COPS4: variants seen among roughly 807,000 people sequenced by gnomAD.
The protein encoded by COPS4 is COP9 signalosome complex subunit 4.
In COPS4, 8 loss-of-function variants were observed where a neutral mutation model predicts 55.1. The observed-to-expected ratio is 0.15, with a 90% confidence interval of 0.09 to 0.26. The LOEUF is 0.26. Among genes scored for constraint, COPS4 ranks in the 10% least tolerant of loss-of-function variants. COPS4 has a pLI of 1.00. For missense variants in COPS4, 248 were observed against 484.0 expected (o/e 0.51, Z 4.58); for synonymous variants, 185 against 165.7 (o/e 1.12, Z -0.90).
chr4:83,066,165 A>G (rs1411514309), intron 7 of COPS4, among the ~76,000 whole-genome samples: 2 of 152,122 alleles, frequency 1.3e-5, no homozygotes, highest in Non-Finnish European at 2.9e-5. Flanking sequence ...AAAAAAAGTT[A>G]ATTTGATAGC....
intron 4 of COPS4, among the ~76,000 whole-genome samples, chr4:83,053,964 A>G (rs1730953875): frequency 6.6e-6 from 1 of 152,150 alleles, no homozygotes; most frequent in South Asian, 2.1e-4. Context: ...AGAAGGATGA[A>G]AGGTATGAGA....
At chr4:83,045,419 A>AGT (rs1730681850) in intron 1 of COPS4, among the ~76,000 whole-genome samples, 1 of 152,196 alleles carries the variant, frequency 6.6e-6, no homozygotes, top group African/African-American at 2.4e-5. Flanking sequence ...AACTAGATGA[A>AGT]GTGGTACCTT....
chr4:83,066,055 G>C (rs1234338282), intron 7 of COPS4, among the ~76,000 whole-genome samples: 1 of 152,134 alleles, frequency 6.6e-6, no homozygotes, highest in African/African-American at 2.4e-5. Context: ...AGGATACTTA[G>C]GCATGAGAAT....
chr4:83,062,432 G>A (rs2126133054), intron 6 of COPS4, among the ~76,000 whole-genome samples: 1 of 152,294 alleles, frequency 6.6e-6, no homozygotes, highest in South Asian at 2.1e-4. Flanking sequence ...AATACTTGCA[G>A]CACTTCCACT....
In COPS4 at chr4:83,049,194, C is replaced by T. The variant is rs767220114; in HGVS notation, c.183C>T (p.Ile61=). Residue 61 remains isoleucine, a synonymous_variant, in exon 3 of 10, where the codon ATC becomes ATT. Transcript: ENST00000264389. Reference sequence around the variant, plus strand: ...TAAATGAGAATGTCAGTCTCGTGATCTCGCGGCAGTTGCTGACTGATTTTT... The same window carrying T: ...TAAATGAGAATGTCAGTCTCGTGATTTCGCGGCAGTTGCTGACTGATTTTT... ...AMVNENVSLV[I]SRQLLTDFCT... 1.2e-6 allele frequency: 2 copies of T among 1,602,862 alleles called. No homozygotes were observed.
chr4:83,058,563 TG>T (rs1731072983), intron 6 of COPS4, among the ~76,000 whole-genome samples: 1 of 152,230 alleles, frequency 6.6e-6, no homozygotes, highest in Non-Finnish European at 1.5e-5. Context: ...TTTTATTTTT[TG>T]TTACTGAAAA....
rs1165343653 is a variant in COPS4 at position 83,074,579 on chromosome 4, C to T, written c.1088-718C>T. On this transcript the variant is annotated intron_variant, in intron 9 of 9. Coordinates refer to ENST00000264389, the MANE Select transcript of COPS4 (RefSeq NM_016129.3). ...CTGGGTTCAAGTGATTCTCCTGTCT[C>T]AGCCTCCCGAGTAGCTGGTATTACA... Among the ~76,000 whole-genome samples, 6 of 150,566 alleles carry T rather than the reference C, an allele frequency of 4.0e-5. No individual in the cohort carries two copies. The East Asian group carries it at 7.8e-4, about 20-fold the overall frequency.
intron 2 of COPS4, among the ~76,000 whole-genome samples, chr4:83,047,511 A>G (rs1730749325): frequency 6.6e-6 from 1 of 152,124 alleles, no homozygotes; most frequent in Non-Finnish European, 1.5e-5. Context: ...CTGAGGTTGC[A>G]TCACTGCGCT....
chr4:83,044,410 A>G (rs1452719401), intron 1 of COPS4, among the ~76,000 whole-genome samples: 2 of 141,412 alleles, frequency 1.4e-5, no homozygotes, highest in Non-Finnish European at 3.0e-5. Flanking sequence ...GCGCCAGTGC[A>G]CTCCAGCCTG....
intron 9 of COPS4, among the ~76,000 whole-genome samples, chr4:83,070,011 C>G (rs1731380136): frequency 6.6e-6 from 1 of 152,146 alleles, no homozygotes; most frequent in Non-Finnish European, 1.5e-5. Context: ...TAATGAAAAT[C>G]CTTTTATCTT....
At chr4:83,060,762 C>G (rs971824641) in intron 6 of COPS4, among the ~76,000 whole-genome samples, 3 of 150,614 alleles carry the variant, frequency 2.0e-5, no homozygotes, top group African/African-American at 7.3e-5. Flanking sequence ...AGGCCAGGCA[C>G]GGTGGCTCAC....
At chr4:83,072,157 T>C (rs974835988) in intron 9 of COPS4, among the ~76,000 whole-genome samples, 2 of 152,070 alleles carry the variant, frequency 1.3e-5, no homozygotes, top group Admixed American at 1.3e-4. Context: ...CAATCTCGGT[T>C]GACCACAACC....
At chr4:83,049,577 A>T in intron 3 of COPS4, 1 of 473,292 alleles carries the variant, frequency 2.1e-6, no homozygotes, top group South Asian at 3.2e-5. Flanking sequence ...TAAAATTGGT[A>T]TTTCAGCTGA....
At chr4:83,037,565 G>A (rs1278774352) in intron 1 of COPS4, among the ~76,000 whole-genome samples, 1 of 152,142 alleles carries the variant, frequency 6.6e-6, no homozygotes, top group Non-Finnish European at 1.5e-5. Context: ...CAAGAATGTA[G>A]CAGGATATTT....
chr4:83,069,730 CTTCT>C (rs1245328209), intron 9 of COPS4, among the ~76,000 whole-genome samples: 2 of 152,126 alleles, frequency 1.3e-5, no homozygotes, highest in African/African-American at 2.4e-5. Flanking sequence ...GAAATTTTAA[CTTCT>C]TTATCAGATG....
intron 2 of COPS4, among the ~76,000 whole-genome samples, chr4:83,047,928 G>A (rs1357003368): frequency 6.6e-6 from 1 of 151,990 alleles, no homozygotes; most frequent in African/African-American, 2.4e-5. Context: ...ATGAACCCGG[G>A]AGGTGGAGCT....
intron 4 of COPS4, among the ~76,000 whole-genome samples, chr4:83,055,410 T>C (rs1159570875): frequency 1.3e-5 from 2 of 151,828 alleles, no homozygotes; most frequent in African/African-American, 4.8e-5. Flanking sequence ...TTAGGAAAAA[T>C]ACGTGGTGAC....
rs181808412 is a variant in COPS4 at position 83,039,523 on chromosome 4, T to A, written c.74+4225T>A. ...GGGTACTGGGAGTGAAATTATATTG[T>A]GGCCGTTTTTTGTAAGCACTCTGTC... On this transcript the variant is annotated intron_variant, in intron 1 of 9. Transcript: ENST00000264389. Among the ~76,000 whole-genome samples the A allele has an allele frequency of 3.2e-3, 495 of 152,324 alleles. 1 individual carries two copies. Among genetic ancestry groups the A allele is most frequent in the Non-Finnish European group, 5.7e-3 (390 of 68,016 alleles).
chr4:83,049,063 A>G (rs988359924), intron 2 of COPS4, 103 bp from the exon 3 acceptor site: 6 of 1,050,820 alleles, frequency 5.7e-6, no homozygotes, highest in South Asian at 4.3e-5. Context: ...TGAAGGCTGT[A>G]CTAATATAGA....
Sources: allele counts gnomAD v4.1 joint callset (sites outside exome capture counted in the v4.1 genomes callset), GRCh38; gene constraint gnomAD v4.1.1; transcripts MANE v1.5; gene names NCBI Gene and HGNC (gene_info 2026-07-23, HGNC 2026-07-21).